Variants in MEIOB observed in about 807,000 individuals in gnomAD.
MEIOB encodes the protein meiosis-specific with OB domain-containing protein.
In MEIOB, 50 loss-of-function variants were observed where a neutral mutation model predicts 53.1. That is an observed-to-expected ratio of 0.94 (90% CI 0.75 to 1.19). MEIOB has a LOEUF of 1.19. Ranked by LOEUF, MEIOB falls within the 50% of genes most tolerant of loss-of-function variation. MEIOB has a pLI of 0.00. For missense variants in MEIOB, 551 were observed against 550.8 expected, an observed-to-expected ratio of 1.00 and a Z score of 0.00; for synonymous variants, 192 against 182.5, an observed-to-expected ratio of 1.05 and a Z score of -0.42.
intron 1 of MEIOB, among the ~76,000 whole-genome samples, chr16:1,868,858 G>A (rs4451947): frequency 0.83 from 125,337 of 151,854 alleles, 51,840 homozygotes; most frequent in Middle Eastern, 0.9. Context: ...CCATCTCAAA[G>A]AATAAATAAA....
intron 10 of MEIOB, 93 bp from the exon 11 acceptor site, chr16:1,842,066 G>T: frequency 1.2e-6 from 1 of 847,004 alleles, no homozygotes; most frequent in Non-Finnish European, 1.6e-6. Context: ...ATGAGAACAT[G>T]CAGTAGCTTA....
chr16:1,853,057 T>C lies in MEIOB; in HGVS notation c.760A>G (p.Ile254Val), dbSNP rs750255985. The C allele has an allele frequency of 3.2e-5, 51 of 1,611,248 alleles. No individual in the cohort carries two copies. The highest frequency in any genetic ancestry group is 4.2e-5 in the Non-Finnish European group (50 of 1,177,830). ...CMTATVISKT[I>V]ITTNPDIPEA... ...TTTTTACCTGGATTAGTTGTAATAATGGTTTTTGAGATTACAGTTGCTGTC... is the reference window on the plus strand; with the variant it reads ...TTTTTACCTGGATTAGTTGTAATAACGGTTTTTGAGATTACAGTTGCTGTC... The change falls in exon 9 of 14, where the codon ATT becomes GTT. Residue 254 changes from isoleucine (I) to valine (V), a missense_variant. Coordinates refer to ENST00000325962, the MANE Select transcript of MEIOB (RefSeq NM_001163560.3).
At chr16:1,861,433 T>C (rs366649) in intron 4 of MEIOB, among the ~76,000 whole-genome samples, 125,345 of 151,766 alleles carry the variant, frequency 0.83, 51,872 homozygotes, top group Middle Eastern at 0.9. Flanking sequence ...TTGGTGCAAA[T>C]TGAAATATGT....
chr16:1,838,060 T>C (rs1898796997), intron 12 of MEIOB, 190 bp from the exon 13 acceptor site: 1 of 1,104,828 alleles, frequency 9.1e-7, no homozygotes, highest in Non-Finnish European at 1.3e-6. Context: ...GCAGCAGTGC[T>C]ATCACAGCTC....
chr16:1,857,697 G>GC (rs1899340710), intron 6 of MEIOB, 38 bp downstream of exon 6: 4 of 1,507,700 alleles, frequency 2.7e-6, no homozygotes, highest in Non-Finnish European at 2.7e-6. Context: ...CACCTCCCCT[G>GC]CCAGATTGCA....
In MEIOB at chr16:1,839,342, A is replaced by G; in HGVS notation, c.1131T>C (p.His377=). ...LDFKSVFLSF[H]VLIDLTDHTG... ...TGTGATCAGTCAGATCAATCAGCAC[A>G]TGGAAACTGAGAAAGACAGATTTAA... The change falls in exon 12 of 14, where the codon CAT becomes CAC. Residue 377 remains histidine (H), a synonymous_variant. Coordinates refer to ENST00000325962, the MANE Select transcript of MEIOB (RefSeq NM_001163560.3). The G allele has an allele frequency of 6.2e-7, 1 of 1,614,244 alleles. No individual in the cohort carries two copies. The highest frequency in any genetic ancestry group is 8.5e-7 in the Non-Finnish European group (1 of 1,180,046).
At position 1,834,280 on chromosome 16, in the gene MEIOB, G is replaced by A. The variant is rs200701039; in HGVS notation, c.1392C>T (p.Asn464=). 6.2e-7 allele frequency: 1 copy of A among 1,609,388 alleles called. No homozygotes were observed. The stretch of plus-strand genomic sequence containing the variant: ...TTTAAACATGTTTTTGTCCAGACAA[G>A]TTTCTGCTTGCCTCAGTAGGATCTG... The part of the protein sequence containing the change: ...KLADPTEASR[N]LSGQKHV The change falls in exon 14 of 14, where the codon AAC becomes AAT. Residue 464 remains asparagine, a synonymous_variant. Coordinates refer to ENST00000325962, the MANE Select transcript of MEIOB (RefSeq NM_001163560.3).
intron 1 of MEIOB, among the ~76,000 whole-genome samples, chr16:1,870,118 C>T (rs558023860): frequency 1.2e-4 from 18 of 152,138 alleles, no homozygotes; most frequent in Admixed American, 9.2e-4. Flanking sequence ...ATGATCCACC[C>T]GCATCAGCCT....
chr16:1,835,862 CTTTTT>C (rs34146401), intron 13 of MEIOB, among the ~76,000 whole-genome samples: 2 of 142,768 alleles, frequency 1.4e-5, no homozygotes. Flanking sequence ...ATTCCTTTTT[CTTTTT>C]TTTTTTTTTT....
At chr16:1,864,793 C>T (rs779094329) in intron 3 of MEIOB, among the ~76,000 whole-genome samples, 33 of 151,946 alleles carry the variant, frequency 2.2e-4, no homozygotes, top group Non-Finnish European at 4.1e-4. Context: ...GGCAAAAAAC[C>T]GTGTATTTCA....
intron 3 of MEIOB, among the ~76,000 whole-genome samples, chr16:1,863,732 A>T (rs1392331502): frequency 2.0e-5 from 3 of 148,890 alleles, no homozygotes; most frequent in Admixed American, 6.7e-5. Flanking sequence ...TCTCAAAAAA[A>T]AAAAAAATAA....
In MEIOB at chr16:1,854,293, C is replaced by T. The variant is rs1336272978; in HGVS notation, c.529-93G>A. The T allele has an allele frequency of 1.5e-5, 11 of 713,912 alleles. No individual in the cohort carries two copies. The African/African-American group carries it at 1.8e-4, about 12-fold the overall frequency. 44.2% of individuals were successfully genotyped at this position (713,912 alleles called of 1,614,324 possible). On this transcript the variant is annotated intron_variant, in intron 6 of 13. Transcript: ENST00000325962. ...AATACTCAAATGTTCACCTTTTAAACACCAAATTAGAAATATTAAACTAGC... is the reference window on the plus strand; with the variant it reads ...AATACTCAAATGTTCACCTTTTAAATACCAAATTAGAAATATTAAACTAGC...
Position 1,834,371 on chromosome 16 carries a change from G to T in MEIOB, c.1306-5C>A. The stretch of plus-strand genomic sequence containing the variant: ...TGCTCTGTGTGATAGAACGAACTGC[G>T]AGGAGAAACAGAAAAAGAGACAAAA... On this transcript the variant is annotated splice_polypyrimidine_tract_variant and splice_region_variant and intron_variant, in intron 13 of 13. Transcript: ENST00000325962. 2 of 1,484,374 alleles carry T rather than the reference G, an allele frequency of 1.3e-6. No individual in the cohort carries two copies. The highest frequency in any genetic ancestry group is 1.9e-6 in the Non-Finnish European group (2 of 1,072,354). The allele number at this position is 1,484,374 out of a possible 1,614,324, so 92.0% of individuals were successfully genotyped here.
At chr16:1,871,760 C>T (rs1323348493) in intron 1 of MEIOB, among the ~76,000 whole-genome samples, 1 of 137,150 alleles carries the variant, frequency 7.3e-6, no homozygotes, top group Admixed American at 7.8e-5. Context: ...GAATTTGAGA[C>T]CAGCTTGGCC....
intron 1 of MEIOB, among the ~76,000 whole-genome samples, chr16:1,869,439 G>A (rs1182400298): frequency 6.6e-6 from 1 of 151,396 alleles, no homozygotes; most frequent in Non-Finnish European, 1.5e-5. Context: ...TTACATGCAA[G>A]ATGATTCAAT....
At chr16:1,856,442 C>T (rs1899307081) in intron 6 of MEIOB, among the ~76,000 whole-genome samples, 1 of 152,084 alleles carries the variant, frequency 6.6e-6, no homozygotes, top group South Asian at 2.1e-4. Flanking sequence ...GCCTCAGCCT[C>T]CTGAGTAGCT....
At chr16:1,869,396 C>T (rs1481183703) in intron 1 of MEIOB, among the ~76,000 whole-genome samples, 5 of 152,084 alleles carry the variant, frequency 3.3e-5, no homozygotes, top group African/African-American at 1.2e-4. Flanking sequence ...GGATTACAGG[C>T]GTGAGCCACC....
intron 9 of MEIOB, among the ~76,000 whole-genome samples, chr16:1,850,614 T>G (rs1407107957): frequency 1.3e-5 from 2 of 148,594 alleles, no homozygotes; most frequent in African/African-American, 5.0e-5. Context: ...ATTAATAAGT[T>G]ATTTCTAATA....
rs1899240473 is a variant in MEIOB, at chr16:1,854,160, T to C, written c.569A>G (p.Lys190Arg). The C allele has an allele frequency of 2.6e-6, 4 of 1,550,884 alleles. No homozygotes were observed. The highest frequency in any genetic ancestry group is 2.7e-5 in the African/African-American group (2 of 73,032). ...PKYFTTSDRRKGQRCEVRLYD... is the reference protein window; with the variant it reads ...PKYFTTSDRRRGQRCEVRLYD... ...GAGTCTAACTTCACACCTCTGGCCT[T>C]TTCTCCGGTCTGAAGTTGTAAAGTA... Residue 190 changes from lysine (K) to arginine (R), a missense_variant, in exon 7 of 14, where the codon AAA becomes AGA. Lys to Arg is a conservative substitution (Grantham distance 26). Transcript: ENST00000325962.
Sources: allele counts gnomAD v4.1 joint callset (sites outside exome capture counted in the v4.1 genomes callset), GRCh38; gene constraint gnomAD v4.1.1; transcripts MANE v1.5; gene names NCBI Gene and HGNC (gene_info 2026-07-23, HGNC 2026-07-21).